RBM6: variants seen among roughly 807,000 people sequenced by gnomAD.
RBM6 encodes the protein RNA-binding protein 6.
A neutral mutation model predicts 140.4 loss-of-function variants in RBM6; 23 were observed. That is an observed-to-expected ratio of 0.16 (90% CI 0.12 to 0.23). The LOEUF (loss-of-function observed/expected upper bound fraction) is 0.23. RBM6 is among the 10% of genes least tolerant of loss of function. The pLI, the probability that RBM6 is intolerant of heterozygous loss-of-function variation, is 1.00. For missense variants in RBM6, 1,139 were observed against 1,386.7 expected (o/e 0.82, Z 2.84); for synonymous variants, 439 against 475.6 (o/e 0.92, Z 1.00).
At chr3:50,034,786 G>A (rs1215908940) in intron 6 of RBM6, among the ~76,000 whole-genome samples, 1 of 152,094 alleles carries the variant, frequency 6.6e-6, no homozygotes, top group African/African-American at 2.4e-5. Flanking sequence ...TGAATAATTG[G>A]ACAAGGAACC....
chr3:50,057,748 TTAA>T lies in RBM6; in HGVS notation c.1718_1720del (p.Ile573del), dbSNP rs2089770871. The T allele has an allele frequency of 6.2e-7, 1 of 1,612,374 alleles. No homozygotes were observed. The highest frequency in any genetic ancestry group is 8.5e-7 in the Non-Finnish European group (1 of 1,179,730). The stretch of plus-strand genomic sequence containing the variant: ...ACTAGTGACAGAGGCCAAGCAAGAA[TTAA>T]TAACCTACCCTCAGCCTCAGAAAAC... On this transcript the variant is annotated inframe_deletion, in exon 9 of 21. Transcript: ENST00000266022.
intron 7 of RBM6, among the ~76,000 whole-genome samples, chr3:50,051,006 A>G (rs2089442970): frequency 6.6e-6 from 1 of 151,948 alleles, no homozygotes; most frequent in Non-Finnish European, 1.5e-5. Flanking sequence ...TCTATGTGTT[A>G]TCTTTCACTT....
chr3:49,953,245 A>G (rs1403984676), intron 1 of RBM6, among the ~76,000 whole-genome samples: 6 of 138,322 alleles, frequency 4.3e-5, no homozygotes, highest in South Asian at 2.2e-4. Flanking sequence ...TTTGAGATGG[A>G]GTCTTGCCCT....
In RBM6 at chr3:50,004,146, G is replaced by A. The variant is rs141438167; in HGVS notation, c.1557+4633G>A. Among the ~76,000 whole-genome samples, 801 of 152,276 alleles carry A rather than the reference G, an allele frequency of 5.3e-3. 4 individuals carry two copies. Among genetic ancestry groups the A allele is most frequent in the Middle Eastern group, 0.024 (7 of 294 alleles). ...ATTTTATGTTCTCAAGTATGCTGGT[G>A]TGATGCTTATTGTCTATTATTTGGC... On this transcript the variant is annotated intron_variant, in intron 6 of 20. Coordinates refer to ENST00000266022, the MANE Select transcript of RBM6 (RefSeq NM_005777.3).
chr3:50,035,828 T>G (rs1473482677), intron 6 of RBM6, among the ~76,000 whole-genome samples: 1 of 151,972 alleles, frequency 6.6e-6, no homozygotes, highest in Non-Finnish European at 1.5e-5. Context: ...TGGCGTGATT[T>G]CGGCTCACTG....
At chr3:50,018,163 C>G (rs572881160) in intron 6 of RBM6, among the ~76,000 whole-genome samples, 4 of 152,334 alleles carry the variant, frequency 2.6e-5, no homozygotes, top group East Asian at 1.9e-4. Context: ...TAGAAACCCT[C>G]TTTTCTCCAC....
intron 5 of RBM6, among the ~76,000 whole-genome samples, chr3:49,995,703 A>T (rs1279786706): frequency 6.6e-6 from 1 of 152,200 alleles, no homozygotes; most frequent in Non-Finnish European, 1.5e-5. Context: ...AGAAAGGGGT[A>T]ATAAAGTAGA....
intron 2 of RBM6, among the ~76,000 whole-genome samples, chr3:49,963,379 G>A (rs1247730695): frequency 3.3e-5 from 5 of 151,918 alleles, no homozygotes; most frequent in African/African-American, 1.2e-4. Context: ...GATTACAGGC[G>A]CGTGCCACTA....
intron 15 of RBM6, among the ~76,000 whole-genome samples, chr3:50,063,659 G>A (rs2090020768): frequency 6.6e-6 from 1 of 151,100 alleles, no homozygotes; most frequent in African/African-American, 2.4e-5. Context: ...CCAGCACTTT[G>A]AGAGGCCAAG....
At chr3:49,969,186 A>G in intron 3 of RBM6, among the ~76,000 whole-genome samples, 1 of 151,370 alleles carries the variant, frequency 6.6e-6, no homozygotes, top group East Asian at 1.9e-4. Context: ...CACCATGCCC[A>G]GTTAATTTTT....
intron 7 of RBM6, among the ~76,000 whole-genome samples, 167 bp downstream of exon 7, chr3:50,048,486 C>A (rs1216595440): frequency 6.6e-6 from 1 of 152,202 alleles, no homozygotes; most frequent in Non-Finnish European, 1.5e-5. Context: ...TTCATAATTT[C>A]TCCTTCCCAG....
At chr3:50,022,901 CCAGCCTGGGCAATGT>C (rs2087583646) in intron 6 of RBM6, among the ~76,000 whole-genome samples, 1 of 152,002 alleles carries the variant, frequency 6.6e-6, no homozygotes, top group African/African-American at 2.4e-5. Context: ...GAGTTCAAGA[CCAGCCTGGGCAATGT>C]AGCAAAACCC....
chr3:50,039,303 A>T (rs2088729033), intron 6 of RBM6, among the ~76,000 whole-genome samples: 1 of 152,078 alleles, frequency 6.6e-6, no homozygotes, highest in Admixed American at 6.6e-5. Context: ...GCAATCACAC[A>T]ATCTCGGCTC....
At chr3:49,953,064 C>CT (rs71080562) in intron 1 of RBM6, among the ~76,000 whole-genome samples, 77,788 of 150,704 alleles carry the variant, frequency 0.52, 21,382 homozygotes, top group African/African-American at 0.67. Flanking sequence ...TTCTTCTTTT[C>CT]TTTTTTTTTG....
intron 6 of RBM6, among the ~76,000 whole-genome samples, chr3:50,003,459 C>T (rs1340331127): frequency 1.3e-5 from 2 of 152,186 alleles, no homozygotes; most frequent in Admixed American, 1.3e-4. Flanking sequence ...AAGGTTACTC[C>T]GAAGTACTTT....
rs377189308 is a variant in RBM6, at chr3:49,967,949, T to G, written c.524T>G (p.Phe175Cys). The change falls in exon 3 of 21, where the codon TTC becomes TGC. Residue 175 changes from phenylalanine (F) to cysteine (C), a missense_variant. This residue lies in a region of RBM6 where 566 missense variants were observed against 612.7 expected (regional missense o/e 0.92). Coordinates refer to ENST00000266022, the MANE Select transcript of RBM6 (RefSeq NM_005777.3). The surrounding 1 kb of genome is among the most constrained non-coding windows in gnomAD (Gnocchi z 4.0). The stretch of plus-strand genomic sequence containing the variant: ...GGTAGGGATGCTCCTCCATCTGACT[T>G]CAGGGGCCGGGGCACTTATGATTTA... ...FRGRDAPPSD[F>C]RGRGTYDLDF... 6 of 1,614,064 alleles carry G rather than the reference T, an allele frequency of 3.7e-6. No individual in the cohort carries two copies. The African/African-American group carries it at 8.0e-5, about 22-fold the overall frequency.
At chr3:50,026,515 G>T (rs998589627) in intron 6 of RBM6, among the ~76,000 whole-genome samples, 2 of 151,352 alleles carry the variant, frequency 1.3e-5, no homozygotes, top group Non-Finnish European at 2.9e-5. Context: ...AAATAGCTGG[G>T]ACTACAGGCA....
chr3:50,063,496 G>A (rs2090014168), intron 15 of RBM6, among the ~76,000 whole-genome samples: 1 of 151,724 alleles, frequency 6.6e-6, no homozygotes, highest in Non-Finnish European at 1.5e-5. Flanking sequence ...CAAGCTACTT[G>A]GGAGACTGAG....
At chr3:49,958,623 C>T (rs931828303) in intron 1 of RBM6, among the ~76,000 whole-genome samples, 3 of 151,304 alleles carry the variant, frequency 2.0e-5, no homozygotes, top group South Asian at 2.1e-4. Flanking sequence ...TGGTGGCGGG[C>T]GCCTGTAGTC....
Sources: gnomAD v4.1 joint callset for allele counts (sites outside exome capture counted in the v4.1 genomes callset) on GRCh38, gnomAD v4.1.1 for gene constraint, gnomAD v4.1.1 regional missense constraint, Gnocchi (gnomAD v3.1) non-coding constraint, MANE v1.5 for transcripts, NCBI Gene and HGNC (gene_info 2026-07-23, HGNC 2026-07-21) for gene names.